ACKR3: variants seen among roughly 807,000 people sequenced by gnomAD.
ACKR3 encodes the protein atypical chemokine receptor 3, also known as C-X-C chemokine receptor type 7.
ACKR3 carries 6 observed loss-of-function variants against 22.4 expected under a neutral mutation model. The ratio of observed to expected loss-of-function variants is 0.27; its 90% CI spans 0.15 to 0.53. The LOEUF is 0.53. ACKR3 is among the 20% of genes least tolerant of loss of function. The pLI, the probability that ACKR3 is intolerant of heterozygous loss-of-function variation, is 0.96. For synonymous variants in ACKR3, 209 were observed against 205.2 expected (o/e 1.02, Z -0.16); for missense variants, 396 against 475.2 (o/e 0.83, Z 1.55).
chr2:236,545,862 A>T, the ACKR3 span, among the ~76,000 whole-genome samples: 1 of 152,212 alleles, frequency 6.6e-6, no homozygotes, highest in Non-Finnish European at 1.5e-5. The surrounding 1 kb of genome is among the most constrained non-coding windows in gnomAD (Gnocchi z 5.3). Context: ...TTAGTGTATC[A>T]TTGTTGAATT....
chr2:236,564,336 C>A (rs186645822), upstream of ACKR3, among the ~76,000 whole-genome samples: 22 of 152,218 alleles, frequency 1.4e-4, no homozygotes, highest in African/African-American at 5.3e-4. Context: ...GGATCCTGCT[C>A]CCACTCTGTG....
At chr2:236,543,983 A>C in the ACKR3 span, among the ~76,000 whole-genome samples, 2 of 56,242 alleles carry the variant, frequency 3.6e-5, no homozygotes, top group Non-Finnish European at 5.9e-5. Context: ...ATATATATAT[A>C]TATATATATA....
chr2:236,538,844 T>C, the ACKR3 span, among the ~76,000 whole-genome samples: 1 of 152,220 alleles, frequency 6.6e-6, no homozygotes. Flanking sequence ...TAAGAAGTGA[T>C]GTGTGGTTTC....
upstream of ACKR3, among the ~76,000 whole-genome samples, chr2:236,566,094 C>T (rs927770696): frequency 6.6e-6 from 1 of 152,196 alleles, no homozygotes. Flanking sequence ...GCCGCTCTGG[C>T]CCGCCAGGAT....
the ACKR3 span, among the ~76,000 whole-genome samples, chr2:236,542,178 A>T: frequency 6.6e-6 from 1 of 152,252 alleles, no homozygotes; most frequent in African/African-American, 2.4e-5. Context: ...TTTAGGGCCT[A>T]ACAAGAGACA....
At chr2:236,540,869 A>G in the ACKR3 span, among the ~76,000 whole-genome samples, 3 of 152,250 alleles carry the variant, frequency 2.0e-5, no homozygotes, top group Non-Finnish European at 4.4e-5. Flanking sequence ...TTTACACAAT[A>G]GCACACAGTC....
chr2:236,565,461 C>T (rs1691158597), upstream of ACKR3, among the ~76,000 whole-genome samples: 1 of 152,096 alleles, frequency 6.6e-6, no homozygotes. Context: ...TAGTCAAAGT[C>T]GAAACTGGGA....
At chr2:236,539,682 A>G in the ACKR3 span, among the ~76,000 whole-genome samples, 1 of 152,148 alleles carries the variant, frequency 6.6e-6, no homozygotes, top group Non-Finnish European at 1.5e-5. Context: ...TTGGGTAAAT[A>G]CCTAATAGTA....
At chr2:236,553,975 T>G in the ACKR3 span, among the ~76,000 whole-genome samples, 2 of 152,250 alleles carry the variant, frequency 1.3e-5, no homozygotes, top group Admixed American at 1.3e-4. Context: ...ACCTGCTGTC[T>G]GCATCGTAGT....
the ACKR3 span, among the ~76,000 whole-genome samples, chr2:236,562,110 G>C: frequency 6.6e-6 from 1 of 152,168 alleles, no homozygotes; most frequent in Non-Finnish European, 1.5e-5. Context: ...TTCATATGAG[G>C]CCTACGTCAA....
At position 236,580,930 on chromosome 2, in the gene ACKR3, C is replaced by A; in HGVS notation, c.465C>A (p.Ser155Arg). 6.2e-7 allele frequency: 1 copy of A among 1,614,210 alleles called. No homozygotes were observed. The highest frequency in any genetic ancestry group is 2.2e-5 in the East Asian group (1 of 44,884). Residue 155 changes from serine (S) to arginine (R), a missense_variant, in exon 2 of 2, where the codon AGC becomes AGA. By Grantham distance (110) the Ser-to-Arg change is moderately radical (BLOSUM62 -1). Coordinates refer to ENST00000272928, the MANE Select transcript of ACKR3 (RefSeq NM_020311.3). ...CCTACTTCACCAACACCCCCAGCAG[C>A]AGGAAGAAGATGGTACGCCGTGTCG... ...SITYFTNTPS[S>R]RKKMVRRVVC... is the part of the protein sequence containing the mutation.
At chr2:236,570,456 T>C (rs1364583908) in intron 1 of ACKR3, among the ~76,000 whole-genome samples, 2 of 152,258 alleles carry the variant, frequency 1.3e-5, no homozygotes, top group Non-Finnish European at 2.9e-5. Flanking sequence ...GAGTCCAAGA[T>C]GTATTTGAAT....
chr2:236,571,749 C>T (rs1479195890), intron 1 of ACKR3, among the ~76,000 whole-genome samples: 2 of 151,548 alleles, frequency 1.3e-5, no homozygotes, highest in East Asian at 3.9e-4. Flanking sequence ...TGGTTGAAGT[C>T]ACTCAAACCT....
chr2:236,566,946 C>A (rs1691197037), upstream of ACKR3, among the ~76,000 whole-genome samples: 1 of 142,300 alleles, frequency 7.0e-6, no homozygotes, highest in African/African-American at 3.0e-5. Context: ...TGCCTGCCTG[C>A]CTGCCTTCCT....
At chr2:236,544,328 C>T in the ACKR3 span, among the ~76,000 whole-genome samples, 1 of 152,084 alleles carries the variant, frequency 6.6e-6, no homozygotes, top group Non-Finnish European at 1.5e-5. This position sits in a 1 kb window ranked among gnomAD's most constrained non-coding sequence, Gnocchi z 5.0. Context: ...ATCCAGGATT[C>T]AGAAAGGTTA....
At chr2:236,560,706 T>C in the ACKR3 span, among the ~76,000 whole-genome samples, 5 of 152,350 alleles carry the variant, frequency 3.3e-5, no homozygotes, top group Admixed American at 2.0e-4. Flanking sequence ...GTTTATTTTG[T>C]CTTTCGCTGC....
the ACKR3 span, among the ~76,000 whole-genome samples, chr2:236,553,086 G>A: frequency 6.6e-6 from 1 of 152,204 alleles, no homozygotes; most frequent in Non-Finnish European, 1.5e-5. Flanking sequence ...TCCGTTCCAG[G>A]CCGCACAACA....
intron 1 of ACKR3, among the ~76,000 whole-genome samples, chr2:236,575,218 T>C (rs1691382613): frequency 1.3e-5 from 2 of 152,156 alleles, no homozygotes; most frequent in African/African-American, 4.8e-5. Context: ...ACACAGAAGT[T>C]TATAGAGTAA....
the ACKR3 span, among the ~76,000 whole-genome samples, chr2:236,544,378 T>C: frequency 1.3e-5 from 2 of 152,124 alleles, no homozygotes; most frequent in African/African-American, 4.8e-5. This position sits in a 1 kb window ranked among gnomAD's most constrained non-coding sequence, Gnocchi z 5.0. Flanking sequence ...TTCAGTTGGG[T>C]CAGGGGTCAT....
Sources: allele counts gnomAD v4.1 joint callset (sites outside exome capture counted in the v4.1 genomes callset), GRCh38; gene constraint gnomAD v4.1.1; non-coding constraint Gnocchi (gnomAD v3.1); transcripts MANE v1.5; gene names NCBI Gene and HGNC (gene_info 2026-07-23, HGNC 2026-07-21).